The following FBXL7 variants were observed in gnomAD, a reference collection of about 807,000 sequenced individuals.
FBXL7 encodes the protein F-box and leucine rich repeat protein 7.
Under a neutral mutation model 38.3 loss-of-function variants are expected in FBXL7, and 12 were observed. That is an observed-to-expected ratio of 0.31 (90% CI 0.20 to 0.51). The LOEUF (loss-of-function observed/expected upper bound fraction) is 0.51. FBXL7 is among the 20% of genes least tolerant of loss of function. The pLI is 0.98. For missense variants in FBXL7, 567 were observed against 676.4 expected (o/e 0.84, Z 1.79); for synonymous variants, 297 against 300.9 (o/e 0.99, Z 0.13).
chr5:15,812,838 G>T (rs1014312296), intron 2 of FBXL7, among the ~76,000 whole-genome samples: 1 of 152,030 alleles, frequency 6.6e-6, no homozygotes, highest in Non-Finnish European at 1.5e-5. Flanking sequence ...CCTTGAAGAG[G>T]TCCTTCACAT....
chr5:15,858,118 T>C (rs1346836832), intron 2 of FBXL7, among the ~76,000 whole-genome samples: 1 of 151,938 alleles, frequency 6.6e-6, no homozygotes, highest in Non-Finnish European at 1.5e-5. Context: ...TAGAATTCTG[T>C]AACACTGTAA....
At chr5:15,930,974 A>G (rs1742023838) in intron 3 of FBXL7, among the ~76,000 whole-genome samples, 1 of 152,220 alleles carries the variant, frequency 6.6e-6, no homozygotes, top group Non-Finnish European at 1.5e-5. Context: ...GATAGTGGCC[A>G]CATTCTCAGT....
At chr5:15,611,007 C>T (rs1339068544) in intron 1 of FBXL7, among the ~76,000 whole-genome samples, 1 of 152,116 alleles carries the variant, frequency 6.6e-6, no homozygotes, top group East Asian at 1.9e-4. Flanking sequence ...GCTACCTATC[C>T]CCATCTACAT....
chr5:15,793,963 C>T (rs1034544237), intron 2 of FBXL7, among the ~76,000 whole-genome samples: 1 of 152,230 alleles, frequency 6.6e-6, no homozygotes, highest in East Asian at 1.9e-4. Context: ...TATGCACACA[C>T]TTCATCCTGT....
In FBXL7 at chr5:15,500,656, G is replaced by T. The variant is rs778238272; in HGVS notation, c.-21G>T. The T allele has an allele frequency of 6.2e-7, 1 of 1,613,402 alleles. No homozygotes were observed. Among genetic ancestry groups the T allele is most frequent in the Non-Finnish European group, 8.5e-7 (1 of 1,179,562 alleles). ...GCAGCTATGGAGTGTCCCGGGAGACGGCGGGCATGACGGCTACAGGATGGG... is the reference window on the plus strand; with the variant it reads ...GCAGCTATGGAGTGTCCCGGGAGACTGCGGGCATGACGGCTACAGGATGGG... On this transcript the variant is annotated 5_prime_UTR_variant, in exon 1 of 4. Coordinates refer to ENST00000504595, the MANE Select transcript of FBXL7 (RefSeq NM_012304.5).
chr5:15,614,651 T>G (rs1580407833), intron 1 of FBXL7, among the ~76,000 whole-genome samples: 1 of 152,234 alleles, frequency 6.6e-6, no homozygotes, highest in South Asian at 2.1e-4. Context: ...TTCCACAGTT[T>G]CCTGGAATCA....
intron 2 of FBXL7, among the ~76,000 whole-genome samples, chr5:15,721,926 C>G (rs1483094111): frequency 6.6e-6 from 1 of 152,092 alleles, no homozygotes; most frequent in Non-Finnish European, 1.5e-5. Context: ...CCTCTGCCTC[C>G]CAGGTTCAAG....
intron 2 of FBXL7, 37 bp from the exon 3 acceptor site, chr5:15,927,853 C>A: frequency 6.7e-7 from 1 of 1,488,338 alleles, no homozygotes; most frequent in Non-Finnish European, 8.9e-7. Context: ...TCTGCTGAGG[C>A]CATCATGATT....
At chr5:15,666,706 TG>T (rs1174900403) in intron 2 of FBXL7, among the ~76,000 whole-genome samples, 1 of 152,236 alleles carries the variant, frequency 6.6e-6, no homozygotes, top group East Asian at 1.9e-4. Context: ...GGCAGAAAAC[TG>T]GAACACACTT....
chr5:15,929,499 G>A (rs1169294536), intron 3 of FBXL7, among the ~76,000 whole-genome samples: 1 of 151,934 alleles, frequency 6.6e-6, no homozygotes, highest in Non-Finnish European at 1.5e-5. Flanking sequence ...ATGAGACTGT[G>A]GTCCCAGCTA....
At position 15,743,927 on chromosome 5, in the gene FBXL7, A is replaced by G. The variant is rs188175957; in HGVS notation, c.127+127855A>G. On this transcript the variant is annotated intron_variant, in intron 2 of 3. Transcript: ENST00000504595. ...TCTGAAGCAATGGCCTGAGCTCTAC[A>G]TTGGCTTCTTTTAGCCACGGCTGAA... Among the ~76,000 whole-genome samples, 69 of 152,308 alleles carry G rather than the reference A, an allele frequency of 4.5e-4. 1 individual carries two copies. The East Asian group carries it at 0.012, about 26-fold the overall frequency.
chr5:15,722,695 G>C (rs1048881794), intron 2 of FBXL7, among the ~76,000 whole-genome samples: 1 of 152,162 alleles, frequency 6.6e-6, no homozygotes, highest in African/African-American at 2.4e-5. Context: ...GGCCGAGGTG[G>C]GTGGATCACC....
At chr5:15,702,444 T>G (rs1036110214) in intron 2 of FBXL7, among the ~76,000 whole-genome samples, 1 of 152,210 alleles carries the variant, frequency 6.6e-6, no homozygotes, top group African/African-American at 2.4e-5. Flanking sequence ...CAGTATTGAG[T>G]GTCTGGGAGA....
chr5:15,614,287 T>G (rs936894905), intron 1 of FBXL7, among the ~76,000 whole-genome samples: 4 of 148,970 alleles, frequency 2.7e-5, no homozygotes, highest in Admixed American at 6.7e-5. Flanking sequence ...TTTTTTTTTT[T>G]GAGACGGGCT....
At chr5:15,635,763 C>T (rs919918190) in intron 2 of FBXL7, among the ~76,000 whole-genome samples, 2 of 152,110 alleles carry the variant, frequency 1.3e-5, no homozygotes, top group African/African-American at 4.8e-5. Context: ...AGAGCCAACA[C>T]GGTACTTTGA....
chr5:15,896,331 A>T (rs1022195321), intron 2 of FBXL7, among the ~76,000 whole-genome samples: 14 of 152,220 alleles, frequency 9.2e-5, no homozygotes, highest in African/African-American at 3.4e-4. Context: ...TTAGGTAGAG[A>T]GGCATGGATA....
chr5:15,675,916 G>C (rs1742640554), intron 2 of FBXL7, among the ~76,000 whole-genome samples: 1 of 152,166 alleles, frequency 6.6e-6, no homozygotes, highest in Non-Finnish European at 1.5e-5. Flanking sequence ...AAGTCTGGAA[G>C]TGGCATCATA....
rs1326065660 is a variant in FBXL7 at position 15,936,750 on chromosome 5, A to G, written c.1040A>G (p.Lys347Arg). 1 of 1,610,056 alleles carries G rather than the reference A, an allele frequency of 6.2e-7. No individual in the cohort carries two copies. The highest frequency in any genetic ancestry group is 1.1e-5 in the South Asian group (1 of 90,782). Residue 347 changes from lysine to arginine, a missense_variant, in exon 4 of 4, where the codon AAG becomes AGG. Physicochemically the swap from Lys to Arg is conservative, Grantham distance 26. Coordinates refer to ENST00000504595, the MANE Select transcript of FBXL7 (RefSeq NM_012304.5). This position sits in a 1 kb window ranked among gnomAD's most constrained non-coding sequence, Gnocchi z 6.0. ...VSDFGLREIA[K>R]LESRLRYLSI... ...GACTTCGGCCTGCGGGAGATCGCCAAGCTGGAGTCCCGCCTGCGGTACCTG... is the reference window on the plus strand; with the variant it reads ...GACTTCGGCCTGCGGGAGATCGCCAGGCTGGAGTCCCGCCTGCGGTACCTG...
chr5:15,821,447 G>C (rs1277365766), intron 2 of FBXL7, among the ~76,000 whole-genome samples: 1 of 152,128 alleles, frequency 6.6e-6, no homozygotes, highest in Admixed American at 6.5e-5. Context: ...ATTCATTCTA[G>C]AGGCCAGTGG....
Sources: gnomAD v4.1 joint callset for allele counts (sites outside exome capture counted in the v4.1 genomes callset) on GRCh38, gnomAD v4.1.1 for gene constraint, Gnocchi (gnomAD v3.1) non-coding constraint, MANE v1.5 for transcripts, NCBI Gene and HGNC (gene_info 2026-07-23, HGNC 2026-07-21) for gene names.